SPHKAP: variants seen among roughly 807,000 people sequenced by gnomAD.
SPHKAP encodes the protein SPHK1 interactor, AKAP domain containing.
A neutral mutation model predicts 137.5 loss-of-function variants in SPHKAP; 67 were observed. The observed-to-expected ratio is 0.49, with a 90% confidence interval of 0.40 to 0.60. The LOEUF is 0.60. Ranked by LOEUF, SPHKAP falls within the 20% of genes least tolerant of loss-of-function variation. The pLI is 0.00. For missense variants in SPHKAP, 2,097 were observed against 2,069.3 expected (o/e 1.01, Z -0.26); for synonymous variants, 813 against 785.3 (o/e 1.04, Z -0.59).
intron 3 of SPHKAP, among the ~76,000 whole-genome samples, chr2:228,063,964 A>G (rs953486741): frequency 6.6e-6 from 1 of 152,212 alleles, no homozygotes; most frequent in Non-Finnish European, 1.5e-5. Context: ...TCTCCATACT[A>G]TGGTTTTGAG....
At chr2:228,076,705 A>G (rs1697194395) in intron 3 of SPHKAP, among the ~76,000 whole-genome samples, 1 of 152,214 alleles carries the variant, frequency 6.6e-6, no homozygotes, top group African/African-American at 2.4e-5. Flanking sequence ...GTGCCAAAAG[A>G]GAAACAGAGC....
chr2:228,002,700 G>T lies in SPHKAP; in HGVS notation c.4449-7006C>A, dbSNP rs113388495. ...TTCTTCTAGGGTTTCTATGGTTTTA[G>T]GTCTAACATGTAAGTCTTTAATCCA... On this transcript the variant is annotated intron_variant, in intron 7 of 11. Coordinates refer to ENST00000392056, the MANE Select transcript of SPHKAP (RefSeq NM_001142644.2). Among the ~76,000 whole-genome samples the T allele has an allele frequency of 2.0e-5, 3 of 152,132 alleles. 1 individual carries two copies. In the East Asian group the frequency reaches 5.8e-4, roughly 29 times the overall value.
At position 227,982,540 on chromosome 2, in the gene SPHKAP, A is replaced by G. The variant is rs191450097; in HGVS notation, c.4960-680T>C. ...GGCTTGAAGGGAGGAAAAATGGAGA[A>G]ATAATTATAAGTCATTCTCTTCATG... On this transcript the variant is annotated intron_variant, in intron 11 of 11. Coordinates refer to ENST00000392056, the MANE Select transcript of SPHKAP (RefSeq NM_001142644.2). Among the ~76,000 whole-genome samples, 30 of 152,342 alleles carry G rather than the reference A, an allele frequency of 2.0e-4. 1 individual carries two copies. The East Asian group carries it at 5.8e-3, about 29-fold the overall frequency.
At chr2:228,095,207 A>C (rs1169966725) in intron 3 of SPHKAP, among the ~76,000 whole-genome samples, 1 of 152,212 alleles carries the variant, frequency 6.6e-6, no homozygotes, top group Non-Finnish European at 1.5e-5. Context: ...CATTTTGGCC[A>C]CGTGCAGATG....
chr2:228,144,583 T>C (rs4365451), intron 1 of SPHKAP, among the ~76,000 whole-genome samples: 51,920 of 151,820 alleles, frequency 0.34, 9,146 homozygotes, highest in East Asian at 0.5. Context: ...TACTATTTTG[T>C]GACTAGACAA....
intron 1 of SPHKAP, among the ~76,000 whole-genome samples, chr2:228,157,991 C>T (rs954340201): frequency 6.6e-6 from 1 of 152,122 alleles, no homozygotes; most frequent in East Asian, 1.9e-4. Flanking sequence ...GTGGAAATGC[C>T]AAGGGCACAA....
At chr2:228,032,788 G>T (rs1388509457) in intron 3 of SPHKAP, among the ~76,000 whole-genome samples, 1 of 152,256 alleles carries the variant, frequency 6.6e-6, no homozygotes, top group Non-Finnish European at 1.5e-5. Flanking sequence ...AGCTTCATAA[G>T]TGAAGGAGAA....
In SPHKAP at chr2:228,071,814, G is replaced by C. The variant is rs78422656; in HGVS notation, c.246+37018C>G. 7.2e-4 allele frequency among the ~76,000 whole-genome samples: 110 copies of C among 152,144 alleles called. 1 individual carries two copies. The East Asian group carries it at 0.018, about 25-fold the overall frequency. ...CTTTTTTTTTTGTAATGTCAGGAAG[G>C]GGTTTCATATGCCAGTTAGCTAAAG... On this transcript the variant is annotated intron_variant, in intron 3 of 11. Transcript: ENST00000392056.
At chr2:228,041,446 A>T (rs1357302601) in intron 3 of SPHKAP, among the ~76,000 whole-genome samples, 1 of 152,066 alleles carries the variant, frequency 6.6e-6, no homozygotes, top group African/African-American at 2.4e-5. Flanking sequence ...GGAGTTCAAG[A>T]CCAGCCTGGC....
chr2:228,154,973 A>T (rs1700066683), intron 1 of SPHKAP, among the ~76,000 whole-genome samples: 1 of 152,104 alleles, frequency 6.6e-6, no homozygotes, highest in Non-Finnish European at 1.5e-5. Context: ...TGTGTAAGTT[A>T]TATTTCTAAT....
At chr2:228,003,697 G>A (rs1177197315) in intron 7 of SPHKAP, among the ~76,000 whole-genome samples, 1 of 152,168 alleles carries the variant, frequency 6.6e-6, no homozygotes, top group Non-Finnish European at 1.5e-5. Flanking sequence ...TTGGCTGTGA[G>A]TTTGTCATAA....
chr2:228,133,370 C>T (rs1442581774), intron 1 of SPHKAP, among the ~76,000 whole-genome samples: 1 of 151,498 alleles, frequency 6.6e-6, no homozygotes, highest in African/African-American at 2.4e-5. Context: ...ATTTTCAACA[C>T]GTGATAAAAA....
In SPHKAP at chr2:228,030,071, T is replaced by G. The variant is rs531931921; in HGVS notation, c.247-2528A>C. ...ACACCTGGAGGACACTCTCCACATT[T>G]GCTACCTGAACCAAGATAAAAACAA... On this transcript the variant is annotated intron_variant, in intron 3 of 11. Coordinates refer to ENST00000392056, the MANE Select transcript of SPHKAP (RefSeq NM_001142644.2). 7.7e-4 allele frequency among the ~76,000 whole-genome samples: 117 copies of G among 152,282 alleles called. 1 individual carries two copies. The highest frequency in any genetic ancestry group is 1.3e-3 in the Non-Finnish European group (86 of 68,026).
At chr2:227,982,303 T>C in intron 11 of SPHKAP, 1 of 985,384 alleles carries the variant, frequency 1.0e-6, no homozygotes, top group Non-Finnish European at 1.2e-6. Flanking sequence ...TGGTAAACTT[T>C]GATGCAGGAC....
chr2:228,152,109 GTA>G (rs1699952292), intron 1 of SPHKAP, among the ~76,000 whole-genome samples: 1 of 151,954 alleles, frequency 6.6e-6, no homozygotes, highest in African/African-American at 2.4e-5. Flanking sequence ...TTAATCCTTG[GTA>G]TTTGTTGAGA....
intron 1 of SPHKAP, among the ~76,000 whole-genome samples, chr2:228,133,733 G>A (rs1259026489): frequency 2.0e-5 from 3 of 152,124 alleles, no homozygotes; most frequent in Admixed American, 2.0e-4. Context: ...TAACTCTCAT[G>A]TTTCAAGCAC....
intron 1 of SPHKAP, among the ~76,000 whole-genome samples, chr2:228,135,596 G>A (rs1699413544): frequency 1.3e-5 from 2 of 152,174 alleles, no homozygotes; most frequent in African/African-American, 4.8e-5. Context: ...TAAGGTGACT[G>A]TACAATCCTA....
chr2:228,012,015 A>C (rs1041780899), intron 7 of SPHKAP, among the ~76,000 whole-genome samples: 4 of 151,960 alleles, frequency 2.6e-5, no homozygotes, highest in Non-Finnish European at 5.9e-5. Context: ...AAAAAATTAA[A>C]AAATTGGGCA....
intron 3 of SPHKAP, among the ~76,000 whole-genome samples, chr2:228,088,941 A>T (rs551218431): frequency 3.2e-4 from 49 of 152,216 alleles, no homozygotes; most frequent in Non-Finnish European, 5.7e-4. Flanking sequence ...TTTTATGGCA[A>T]CACAAATGGA....
Sources: gnomAD v4.1 joint callset for allele counts (sites outside exome capture counted in the v4.1 genomes callset) on GRCh38, gnomAD v4.1.1 for gene constraint, MANE v1.5 for transcripts, NCBI Gene and HGNC (gene_info 2026-07-23, HGNC 2026-07-21) for gene names.